DMD: variants seen among roughly 807,000 people sequenced by gnomAD.
DMD encodes the protein dystrophin.
A neutral mutation model predicts 330.1 loss-of-function variants in DMD; 63 were observed. The ratio of observed to expected loss-of-function variants is 0.19; its 90% CI spans 0.16 to 0.24. The LOEUF (loss-of-function observed/expected upper bound fraction) is 0.24, where lower values mean the gene tolerates loss of function less well. Ranked by LOEUF, DMD falls within the 10% of genes least tolerant of loss-of-function variation. The probability of loss-of-function intolerance (pLI) is 1.00; values close to 1 mark genes in which losing one functional copy is unlikely to be tolerated. For synonymous variants in DMD, 1,223 were observed against 959.8 expected (o/e 1.27, Z -5.07); for missense variants, 3,344 against 2,684.1 (o/e 1.25, Z -5.43).
At chrX:31,474,464 G>A (rs1224974552) in intron 59 of DMD, among the ~76,000 whole-genome samples, 1 of 109,376 alleles carries the variant, frequency 9.1e-6, no homozygotes, top group African/African-American at 3.3e-5. Context: ...CACTTTGGGA[G>A]GCCAAGGTGA....
At chrX:32,915,650 A>G (rs2087730236) in intron 2 of DMD, among the ~76,000 whole-genome samples, 1 of 112,045 alleles carries the variant, frequency 8.9e-6, no homozygotes, top group African/African-American at 3.2e-5. Flanking sequence ...TTGAGCATCT[A>G]CACTGTGTCA....
chrX:33,318,518 G>A (rs1385234757), intron 1 of DMD, among the ~76,000 whole-genome samples: 2 of 105,168 alleles, frequency 1.9e-5, no homozygotes, highest in Admixed American at 1.0e-4. Context: ...CACCATTTCC[G>A]CTCACTGCAA....
intron 17 of DMD, among the ~76,000 whole-genome samples, chrX:32,544,136 G>A (rs1157730581): frequency 1.8e-5 from 2 of 111,783 alleles, no homozygotes; most frequent in Non-Finnish European, 3.8e-5. Flanking sequence ...CTGGACTAGT[G>A]GATTTGCTTA....
chrX:32,949,251 TACACACACACACAC>T (rs10587318), intron 2 of DMD, among the ~76,000 whole-genome samples: 91 of 89,570 alleles, frequency 1.0e-3, no homozygotes, highest in African/African-American at 2.9e-3. Flanking sequence ...AATCGTTACA[TACACACACACACAC>T]ACACACACAC....
rs982680818 is a variant in DMD at position 31,977,791 on chromosome X, A to C, written c.6439-9277T>G. 5.9e-5 allele frequency among the ~76,000 whole-genome samples: 6 copies of C among 102,141 alleles called. No individual in the cohort carries two copies. The Admixed American group carries it at 6.3e-4, about 11-fold the overall frequency. The allele number at this position is 102,141 out of a possible 115,157, so 88.7% of individuals were successfully genotyped here. Reference sequence around the variant, plus strand: ...CTGGGCACGCCCTCTGCAAATCAAAAAAAAAAAAAAAAAAGAATGCACAAG... The same window carrying C: ...CTGGGCACGCCCTCTGCAAATCAAACAAAAAAAAAAAAAAGAATGCACAAG... On this transcript the variant is annotated intron_variant, in intron 44 of 78. Coordinates refer to ENST00000357033, the MANE Select transcript of DMD (RefSeq NM_004006.3).
In DMD at chrX:33,096,010, T is replaced by G. The variant is rs374133562; in HGVS notation, c.32-75810A>C. Among the ~76,000 whole-genome samples the G allele has an allele frequency of 3.8e-3, 334 of 88,599 alleles. 1 individual carries two copies. The highest frequency in any genetic ancestry group is 0.013 in the African/African-American group (322 of 23,959). The allele number at this position is 88,599 out of a possible 115,157, so 76.9% of individuals were successfully genotyped here. ...TTTTTTTTGAGATGGAGTCTCGCTC[T>G]GTCACCCAGGCTGGAGTGCAGTGGT... On this transcript the variant is annotated intron_variant, in intron 1 of 78. Transcript: ENST00000357033.
chrX:33,241,769 C>T (rs746729878), intron 1 of DMD, among the ~76,000 whole-genome samples: 2 of 110,562 alleles, frequency 1.8e-5, no homozygotes, highest in South Asian at 3.9e-4. Context: ...TTTGTGGGGG[C>T]GGGTGGACAG....
chrX:31,494,268 G>T (rs1386459893), intron 57 of DMD, among the ~76,000 whole-genome samples: 2 of 110,876 alleles, frequency 1.8e-5, no homozygotes, highest in Admixed American at 9.7e-5. Context: ...TCTGGTATGA[G>T]AAAATATTTA....
intron 1 of DMD, among the ~76,000 whole-genome samples, chrX:33,026,873 G>A (rs1188804817): frequency 8.9e-6 from 1 of 112,205 alleles, no homozygotes; most frequent in African/African-American, 3.2e-5. Context: ...TTCCAAGAGA[G>A]TGACTGTCTG....
intron 2 of DMD, among the ~76,000 whole-genome samples, chrX:32,971,996 T>C (rs890453630): frequency 9.0e-6 from 1 of 111,251 alleles, no homozygotes; most frequent in Admixed American, 9.6e-5. Context: ...GTAGACGTTA[T>C]CTATAGGGAA....
intron 1 of DMD, among the ~76,000 whole-genome samples, chrX:33,282,902 C>A (rs1435865161): frequency 8.9e-6 from 1 of 111,996 alleles, no homozygotes; most frequent in African/African-American, 3.2e-5. Context: ...GTTTATTTTC[C>A]TCTAGCGCGA....
At chrX:33,093,184 C>T (rs976044200) in intron 1 of DMD, among the ~76,000 whole-genome samples, 1 of 112,216 alleles carries the variant, frequency 8.9e-6, no homozygotes, top group Non-Finnish European at 1.9e-5. Flanking sequence ...CTGTAATTTT[C>T]TTCTTAGATA....
intron 9 of DMD, among the ~76,000 whole-genome samples, chrX:32,688,380 C>G (rs1374561845): frequency 8.9e-6 from 1 of 111,882 alleles, no homozygotes; most frequent in Admixed American, 9.5e-5. Flanking sequence ...ATATCTTTAC[C>G]AAATGTAAAA....
chrX:32,684,049 A>C (rs976403795), intron 9 of DMD, among the ~76,000 whole-genome samples: 3 of 108,656 alleles, frequency 2.8e-5, no homozygotes, highest in African/African-American at 1.0e-4. Flanking sequence ...ACACACACAC[A>C]CACACAGTGT....
At position 31,250,117 on chromosome X, in the gene DMD, T is replaced by C. The variant is rs149432354; in HGVS notation, c.9286+10838A>G. ...CAAACCTAAACTCATAAAGTGACAA[T>C]AGGAAAGTCACAGTATAATCAATTA... On this transcript the variant is annotated intron_variant, in intron 63 of 78. Coordinates refer to ENST00000357033, the MANE Select transcript of DMD (RefSeq NM_004006.3). 9.0e-3 allele frequency among the ~76,000 whole-genome samples: 997 copies of C among 111,163 alleles called. 6 individuals are homozygous for C. The highest frequency in any genetic ancestry group is 0.023 in the Middle Eastern group (5 of 214).
intron 69 of DMD, among the ~76,000 whole-genome samples, chrX:31,179,235 T>G (rs1031580602): frequency 8.0e-5 from 9 of 112,651 alleles, no homozygotes; most frequent in Admixed American, 1.9e-4. Context: ...CATAGCATGG[T>G]ACATTCTCAA....
chrX:31,201,355 G>A (rs899953223), intron 67 of DMD, among the ~76,000 whole-genome samples: 1 of 112,261 alleles, frequency 8.9e-6, no homozygotes, highest in Non-Finnish European at 1.9e-5. Flanking sequence ...CCTGGGTGAC[G>A]AAGTTAGACC....
chrX:33,044,454 G>A (rs368221372), intron 1 of DMD, among the ~76,000 whole-genome samples: 2 of 111,261 alleles, frequency 1.8e-5, no homozygotes, highest in East Asian at 5.7e-4. Flanking sequence ...AGGAGGGAAT[G>A]GGACAATTCA....
chrX:31,724,869 C>T (rs2085894478), intron 52 of DMD, among the ~76,000 whole-genome samples: 2 of 112,124 alleles, frequency 1.8e-5, no homozygotes, highest in African/African-American at 6.5e-5. Flanking sequence ...ATTAACTTGG[C>T]TAAGGTTACA....
Sources: gnomAD v4.1 joint callset for allele counts (sites outside exome capture counted in the v4.1 genomes callset) on GRCh38, gnomAD v4.1.1 for gene constraint, MANE v1.5 for transcripts, NCBI Gene and HGNC (gene_info 2026-07-23, HGNC 2026-07-21) for gene names.